The following ZNF292 variants were observed in gnomAD, a reference collection of about 807,000 sequenced individuals.
ZNF292 encodes the protein zinc finger protein 292, also known as 16 zinc-finger domain protein.
In ZNF292, 26 loss-of-function variants were observed where a neutral mutation model predicts 217.9. The observed-to-expected ratio is 0.12, with a 90% CI of 0.09 to 0.17. ZNF292 has a LOEUF of 0.17. Among genes scored for constraint, ZNF292 ranks in the 10% least tolerant of loss-of-function variants. ZNF292 has a pLI of 1.00. For synonymous variants in ZNF292, 1,257 were observed against 1,124.1 expected, an observed-to-expected ratio of 1.12 and a Z score of -2.37; for missense variants, 2,904 against 3,175.2, an observed-to-expected ratio of 0.91 and a Z score of 2.05.
chr6:87,163,033 T>C (rs1048522073), intron 1 of ZNF292, among the ~76,000 whole-genome samples: 1 of 152,178 alleles, frequency 6.6e-6, no homozygotes, highest in African/African-American at 2.4e-5. Context: ...TCTTTTGGCA[T>C]TGGCAGTTGC....
At position 87,258,576 on chromosome 6, in the gene ZNF292, A is replaced by C. The variant is rs61737894; in HGVS notation, c.4947A>C (p.Thr1649=). The C allele has an allele frequency of 3.6e-3, 5,818 of 1,613,698 alleles. 181 individuals are homozygous for C. The African/African-American group carries it at 0.067, about 19-fold the overall frequency. Residue 1649 remains threonine (T), a synonymous_variant, in exon 8 of 8, where the codon ACA becomes ACC. Transcript: ENST00000369577. The part of the protein sequence containing the change: ...IAPNASQNLV[T]SDLTTMGLIA... ...CTAACGCTTCCCAAAACTTGGTAACAAGTGACTTAACAACAATGGGACTCA... is the reference window on the plus strand; with the variant it reads ...CTAACGCTTCCCAAAACTTGGTAACCAGTGACTTAACAACAATGGGACTCA...
At position 87,161,015 on chromosome 6, in the gene ZNF292, A is replaced by G. The variant is rs112375214; in HGVS notation, c.168+5256A>G. On this transcript the variant is annotated intron_variant, in intron 1 of 7. Transcript: ENST00000369577. ...TACTCTTTTCATATTGAGATAGTTA[A>G]GCTCCAGAAATATACTTTATTTGGA... Among the ~76,000 whole-genome samples the G allele has an allele frequency of 6.1e-3, 922 of 152,284 alleles. 14 individuals are homozygous for G. Among genetic ancestry groups the G allele is most frequent in the African/African-American group, 0.021 (887 of 41,566 alleles).
chr6:87,210,609 G>T (rs529121841), intron 1 of ZNF292, among the ~76,000 whole-genome samples: 1 of 151,942 alleles, frequency 6.6e-6, no homozygotes, highest in Non-Finnish European at 1.5e-5. Context: ...GTGAAACGCC[G>T]TCTCTACTAA....
rs1467991299 is a variant in ZNF292, at chr6:87,260,248, A to G, written c.6619A>G (p.Met2207Val). ...AATGACTCCTGAAGAAATTGAAAGT[A>G]TGACTGCTTCAGTGGATGTTGGGAA... ...HEMTPEEIES[M>V]TASVDVGKFP... The change falls in exon 8 of 8, where the codon ATG (methionine) becomes GTG (valine). Residue 2207 changes from methionine (M) to valine (V), a missense_variant. Coordinates refer to ENST00000369577, the MANE Select transcript of ZNF292 (RefSeq NM_015021.3). 3 of 1,613,524 alleles carry G rather than the reference A, an allele frequency of 1.9e-6. No homozygotes were observed. Among genetic ancestry groups the G allele is most frequent in the Admixed American group, 3.3e-5 (2 of 59,964 alleles).
chr6:87,157,918 G>A (rs12189997), intron 1 of ZNF292, among the ~76,000 whole-genome samples: 19 of 152,150 alleles, frequency 1.2e-4, no homozygotes, highest in Admixed American at 5.9e-4. Flanking sequence ...GGCTGGTCTC[G>A]AACTGCTGGT....
At chr6:87,228,665 G>C (rs1773493110) in intron 4 of ZNF292, among the ~76,000 whole-genome samples, 1 of 152,144 alleles carries the variant, frequency 6.6e-6, no homozygotes, top group South Asian at 2.1e-4. Context: ...AATTTTTCCA[G>C]CACCATTTGT....
chr6:87,257,668 C>G lies in ZNF292; in HGVS notation c.4039C>G (p.Arg1347Gly), dbSNP rs776916937. 7 of 1,610,710 alleles carry G rather than the reference C, an allele frequency of 4.3e-6. No homozygotes were observed. In the Admixed American group the frequency reaches 6.7e-5, roughly 16 times the overall value. ...TGCACCTGAAAAAGTTAAAAAAGACCGTGGGCGGGGCCCAAATGGGAAGGA... is the reference window on the plus strand; with the variant it reads ...TGCACCTGAAAAAGTTAAAAAAGACGGTGGGCGGGGCCCAAATGGGAAGGA... ...QSAPEKVKKD[R>G]GRGPNGKERK... The change falls in exon 8 of 8, where the codon CGT becomes GGT. Residue 1347 changes from arginine to glycine, a missense_variant. This residue lies in a region of ZNF292 where 687 missense variants were observed against 623.0 expected (regional missense o/e 1.10). Coordinates refer to ENST00000369577, the MANE Select transcript of ZNF292 (RefSeq NM_015021.3).
chr6:87,212,506 T>C (rs191127579), intron 1 of ZNF292, among the ~76,000 whole-genome samples: 2 of 152,206 alleles, frequency 1.3e-5, no homozygotes, highest in African/African-American at 2.4e-5. Flanking sequence ...TAATGTTATC[T>C]CATTAACATG....
At chr6:87,254,477 A>G (rs556436606) in intron 7 of ZNF292, among the ~76,000 whole-genome samples, 173 bp from the exon 8 acceptor site, 1 of 152,340 alleles carries the variant, frequency 6.6e-6, no homozygotes, top group East Asian at 1.9e-4. Flanking sequence ...TATGCAGTTC[A>G]TTTTACATAC....
In ZNF292 at chr6:87,256,886, C is replaced by T. The variant is rs577917610; in HGVS notation, c.3257C>T (p.Thr1086Ile). ...PQSDLSNSLG[T>I]PSVPPKAPVQ... ...TCCGACCTAAGTAATTCATTAGGAACTCCATCAGTGCCTCCAAAAGCTCCA... is the reference window on the plus strand; with the variant it reads ...TCCGACCTAAGTAATTCATTAGGAATTCCATCAGTGCCTCCAAAAGCTCCA... The change falls in exon 8 of 8, where the codon ACT becomes ATT. Residue 1086 changes from threonine (T) to isoleucine (I), a missense_variant. Thr to Ile is a moderately conservative substitution (Grantham distance 89). Coordinates refer to ENST00000369577, the MANE Select transcript of ZNF292 (RefSeq NM_015021.3). 90 of 1,613,890 alleles carry T rather than the reference C, an allele frequency of 5.6e-5. 2 individuals are homozygous for T. In the South Asian group the frequency reaches 9.7e-4, roughly 17 times the overall value.
intron 1 of ZNF292, among the ~76,000 whole-genome samples, chr6:87,187,212 A>G (rs911363016): frequency 7.2e-5 from 11 of 152,360 alleles, no homozygotes; most frequent in African/African-American, 2.2e-4. Flanking sequence ...ATTAAGTACT[A>G]TTAATTATGG....
rs369937074 is a variant in ZNF292 at position 87,179,407 on chromosome 6, C to A, written c.168+23648C>A. ...AACTGCCAACCTCAGGTGATCCGCC[C>A]GCATCAGCCTCCCAAAGTGCTGGGA... is the stretch of plus-strand genomic sequence containing the variant. On this transcript the variant is annotated intron_variant, in intron 1 of 7. Coordinates refer to ENST00000369577, the MANE Select transcript of ZNF292 (RefSeq NM_015021.3). Among the ~76,000 whole-genome samples the A allele has an allele frequency of 5.9e-5, 9 of 151,924 alleles. No homozygotes were observed. The East Asian group carries it at 9.7e-4, about 16-fold the overall frequency.
rs761915004 is a variant in ZNF292 at position 87,258,506 on chromosome 6, G to A, written c.4877G>A (p.Ser1626Asn). ...AGTCATTTAAATAAAAAGGGAAACAGTGCTTCTAAGAGAAGAAAGAAAGTT... is the reference window on the plus strand; with the variant it reads ...AGTCATTTAAATAAAAAGGGAAACAATGCTTCTAAGAGAAGAAAGAAAGTT... ...RSSHLNKKGN[S>N]ASKRRKKVAP... The change falls in exon 8 of 8, where the codon AGT becomes AAT. Residue 1626 changes from serine (S) to asparagine (N), a missense_variant. Ser to Asn is a conservative substitution (Grantham distance 46, BLOSUM62 1). Coordinates refer to ENST00000369577, the MANE Select transcript of ZNF292 (RefSeq NM_015021.3). The A allele has an allele frequency of 3.7e-6, 6 of 1,613,688 alleles. No individual in the cohort carries two copies. The South Asian group carries it at 6.6e-5, about 18-fold the overall frequency.
rs1582510841 is a variant in ZNF292, at chr6:87,253,971, G to T, written c.1021-679G>T. 3.3e-5 allele frequency among the ~76,000 whole-genome samples: 5 copies of T among 152,294 alleles called. No individual in the cohort carries two copies. In the Middle Eastern group the frequency reaches 0.014, roughly 414 times the overall value. On this transcript the variant is annotated intron_variant, in intron 7 of 7. Coordinates refer to ENST00000369577, the MANE Select transcript of ZNF292 (RefSeq NM_015021.3). ...AATAGTTCAAGATGCTAATTCAAAAGAAAAAGTTTGTTGGGCTATGTCTAC... is the reference window on the plus strand; with the variant it reads ...AATAGTTCAAGATGCTAATTCAAAATAAAAAGTTTGTTGGGCTATGTCTAC...
rs190234523 is a variant in ZNF292 at position 87,247,002 on chromosome 6, A to G, written c.1020+1358A>G. 4.3e-4 allele frequency among the ~76,000 whole-genome samples: 66 copies of G among 152,196 alleles called. No homozygotes were observed. The East Asian group carries it at 0.012, about 29-fold the overall frequency. ...AAACCATGCTCTACTAAAAATAAAGAAAATTAGCTGTTCATGGTGGCAGGT... is the reference window on the plus strand; with the variant it reads ...AAACCATGCTCTACTAAAAATAAAGGAAATTAGCTGTTCATGGTGGCAGGT... On this transcript the variant is annotated intron_variant, in intron 7 of 7. Transcript: ENST00000369577.
chr6:87,170,855 T>C (rs746122498), intron 1 of ZNF292, among the ~76,000 whole-genome samples: 1 of 152,212 alleles, frequency 6.6e-6, no homozygotes, highest in Non-Finnish European at 1.5e-5. Context: ...TTTGTTTCTT[T>C]ATCCTTCAAA....
rs1775771935 is a variant in ZNF292, at chr6:87,265,181, C to G, written c.*3380C>G. 6.6e-6 allele frequency among the ~76,000 whole-genome samples: 1 copy of G among 151,942 alleles called. No individual in the cohort carries two copies. The highest frequency in any genetic ancestry group is 2.1e-4 in the South Asian group (1 of 4,826). On this transcript the variant is annotated 3_prime_UTR_variant, in exon 8 of 8. Transcript: ENST00000369577. ...AGGCTGGAGTGCAGTGTTGCACGAT[C>G]TCGGCTTACTGCAACTTCTGCCTCC... is the stretch of plus-strand genomic sequence containing the variant.
At chr6:87,173,586 C>T (rs937474177) in intron 1 of ZNF292, 10 of 152,624 alleles carry the variant, frequency 6.6e-5, no homozygotes, top group African/African-American at 2.2e-4. Flanking sequence ...TCTAACTCTT[C>T]CTTTGGGGTG....
chr6:87,166,869 C>G (rs1263325350), intron 1 of ZNF292, among the ~76,000 whole-genome samples: 1 of 152,130 alleles, frequency 6.6e-6, no homozygotes, highest in East Asian at 1.9e-4. Context: ...AGTAAGTTCT[C>G]CATAAGTATT....
Sources: allele counts gnomAD v4.1 joint callset (sites outside exome capture counted in the v4.1 genomes callset), GRCh38; gene constraint gnomAD v4.1.1; regional missense constraint gnomAD v4.1.1; transcripts MANE v1.5; gene names NCBI Gene and HGNC (gene_info 2026-07-23, HGNC 2026-07-21).